The following HECW2 variants were observed in gnomAD, a reference collection of about 807,000 sequenced individuals.
HECW2 encodes E3 ubiquitin-protein ligase HECW2.
A neutral mutation model predicts 175.2 loss-of-function variants in HECW2; 61 were observed. That is an observed-to-expected ratio of 0.35 (90% confidence interval 0.28 to 0.43). HECW2 has a LOEUF of 0.43. Among genes scored for constraint, HECW2 ranks in the 20% least tolerant of loss-of-function variants. HECW2 has a pLI of 1.00. For synonymous variants in HECW2, 671 were observed against 731.0 expected, an observed-to-expected ratio of 0.92 and a Z score of 1.32; for missense variants, 1,524 against 2,000.5, an observed-to-expected ratio of 0.76 and a Z score of 4.54.
At chr2:196,386,335 C>T (rs1191075662) in intron 2 of HECW2, among the ~76,000 whole-genome samples, 1 of 152,100 alleles carries the variant, frequency 6.6e-6, no homozygotes, top group Non-Finnish European at 1.5e-5. Flanking sequence ...TAGTAGGCCT[C>T]ATTCAGAAGG....
intron 2 of HECW2, among the ~76,000 whole-genome samples, chr2:196,372,741 T>C (rs1298610406): frequency 6.6e-6 from 1 of 152,224 alleles, no homozygotes; most frequent in Non-Finnish European, 1.5e-5. Context: ...ACTAAATTTG[T>C]TCATTTTATT....
chr2:196,228,312 G>A (rs1687926932), intron 21 of HECW2, 58 bp from the exon 22 acceptor site: 2 of 1,509,920 alleles, frequency 1.3e-6, no homozygotes, highest in Non-Finnish European at 1.8e-6. Context: ...ATATTGGGCA[G>A]TTTTTCTCCA....
intron 21 of HECW2, among the ~76,000 whole-genome samples, chr2:196,230,312 T>C (rs535734215): frequency 3.3e-5 from 5 of 152,342 alleles, no homozygotes; most frequent in African/African-American, 7.2e-5. Flanking sequence ...CAGGAACAAA[T>C]AGAATATTTC....
intron 2 of HECW2, among the ~76,000 whole-genome samples, chr2:196,430,513 C>T (rs1695679015): frequency 6.6e-6 from 1 of 152,072 alleles, no homozygotes; most frequent in South Asian, 2.1e-4. Context: ...TAGCTATATT[C>T]AATTCAGTTT....
At chr2:196,320,074 G>C (rs1412685576) in intron 8 of HECW2, 170 bp from the exon 9 acceptor site, 1 of 718,826 alleles carries the variant, frequency 1.4e-6, no homozygotes. Flanking sequence ...CTGCTAGTCA[G>C]CTTGGCACAG....
intron 1 of HECW2, among the ~76,000 whole-genome samples, chr2:196,542,215 G>A (rs1307086673): frequency 6.8e-6 from 1 of 147,510 alleles, no homozygotes; most frequent in Non-Finnish European, 1.5e-5. Flanking sequence ...AGTGAGCTGA[G>A]ATCTGGCCAC....
intron 16 of HECW2, 58 bp downstream of exon 16, chr2:196,273,963 T>G (rs1689843995): frequency 8.0e-7 from 1 of 1,253,566 alleles, no homozygotes; most frequent in African/African-American, 1.5e-5. Flanking sequence ...CAGCACAGTG[T>G]ACATGGTACA....
chr2:196,416,566 TA>T (rs1467016260), intron 2 of HECW2, among the ~76,000 whole-genome samples: 11 of 152,210 alleles, frequency 7.2e-5, no homozygotes, highest in Non-Finnish European at 1.6e-4. Flanking sequence ...GGAGGCCCAG[TA>T]AATGCCCATT....
chr2:196,448,815 A>G (rs1345105313), intron 1 of HECW2, among the ~76,000 whole-genome samples: 2 of 152,234 alleles, frequency 1.3e-5, no homozygotes, highest in African/African-American at 4.8e-5. Context: ...ATAAGCAGGC[A>G]TAATTAAAGA....
intron 17 of HECW2, among the ~76,000 whole-genome samples, chr2:196,270,569 A>T (rs1689690692): frequency 6.6e-6 from 1 of 152,222 alleles, no homozygotes; most frequent in Non-Finnish European, 1.5e-5. Context: ...TGCTTACTCA[A>T]GTTACACTCA....
At chr2:196,455,938 T>G (rs1165475681) in intron 1 of HECW2, among the ~76,000 whole-genome samples, 1 of 152,032 alleles carries the variant, frequency 6.6e-6, no homozygotes, top group Non-Finnish European at 1.5e-5. Context: ...CCTTTAACTT[T>G]AAGGATAACA....
At chr2:196,306,397 G>T in intron 13 of HECW2, 91 bp downstream of exon 13, 3 of 1,268,636 alleles carry the variant, frequency 2.4e-6, no homozygotes, top group Non-Finnish European at 3.3e-6. Flanking sequence ...GGAAACATTC[G>T]CCATTATCAT....
At chr2:196,441,150 A>C (rs1026461117) in intron 1 of HECW2, among the ~76,000 whole-genome samples, 1 of 152,190 alleles carries the variant, frequency 6.6e-6, no homozygotes, top group Admixed American at 6.6e-5. Context: ...AGTGTTTTTT[A>C]TTGAAAATAG....
rs1575409407 is a variant in HECW2, at chr2:196,319,430, C to A, written c.1460G>T (p.Gly487Val). The change falls in exon 9 of 29, where the codon GGC becomes GTC. Residue 487 changes from glycine (G) to valine (V), a missense_variant. Gly to Val is a moderately radical substitution (Grantham distance 109). Around this residue, in one of 11 missense-constraint regions of HECW2, gnomAD observed 604 missense variants for 588.3 expected, o/e 1.03. Transcript: ENST00000644978. ...GYPSSLEEEG[G>V]LIMFSRASRA... ...GGATGCCCTGCTAAACATGATCAGG[C>A]CTCCCTCCTCCTCCAAGGAAGATGG... The A allele has an allele frequency of 6.2e-7, 1 of 1,613,708 alleles. No homozygotes were observed. The highest frequency in any genetic ancestry group is 8.5e-7 in the Non-Finnish European group (1 of 1,179,820).
intron 14 of HECW2, among the ~76,000 whole-genome samples, chr2:196,286,142 G>T (rs1320788317): frequency 6.6e-6 from 1 of 152,132 alleles, no homozygotes; most frequent in Non-Finnish European, 1.5e-5. Context: ...GCAGGTTGAT[G>T]TGATGCTGAC....
chr2:196,276,144 C>T (rs1434016015), intron 15 of HECW2, among the ~76,000 whole-genome samples: 3 of 152,230 alleles, frequency 2.0e-5, no homozygotes, highest in African/African-American at 4.8e-5. Flanking sequence ...CTCCCTAAGA[C>T]CTCAGTCTTT....
At chr2:196,498,249 G>C (rs1241772055) in intron 1 of HECW2, among the ~76,000 whole-genome samples, 2 of 152,046 alleles carry the variant, frequency 1.3e-5, no homozygotes, top group African/African-American at 2.4e-5. Context: ...TATAACATAA[G>C]TGCTTTTTTC....
intron 1 of HECW2, among the ~76,000 whole-genome samples, chr2:196,465,854 G>A (rs553638785): frequency 6.6e-6 from 1 of 152,042 alleles, no homozygotes; most frequent in South Asian, 2.1e-4. Flanking sequence ...GATGTACAAT[G>A]CAATCATTCC....
chr2:196,439,580 C>G (rs147621564), intron 1 of HECW2, among the ~76,000 whole-genome samples: 116 of 152,224 alleles, frequency 7.6e-4, no homozygotes, highest in African/African-American at 2.7e-3. Flanking sequence ...CAAACAACTC[C>G]CTTAGAAAAG....
Sources: gnomAD v4.1 joint callset for allele counts (sites outside exome capture counted in the v4.1 genomes callset) on GRCh38, gnomAD v4.1.1 for gene constraint, gnomAD v4.1.1 regional missense constraint, MANE v1.5 for transcripts, NCBI Gene and HGNC (gene_info 2026-07-23, HGNC 2026-07-21) for gene names.